Variants in COMMD10 observed in about 807,000 individuals in gnomAD.
COMMD10 encodes COMM domain containing 10, also known as COMM domain-containing protein 10.
In COMMD10, 33 loss-of-function variants were observed where a neutral mutation model predicts 28.9. The observed-to-expected ratio is 1.14, with a 90% CI of 0.87 to 1.53. COMMD10 has a LOEUF of 1.53. COMMD10 is among the 40% of genes most tolerant of loss of function. The pLI is 0.00. For missense variants in COMMD10, 310 were observed against 233.4 expected (o/e 1.33, Z -2.14); for synonymous variants, 110 against 81.7 (o/e 1.35, Z -1.87).
At chr5:116,099,234 G>A (rs984001739) in intron 4 of COMMD10, among the ~76,000 whole-genome samples, 1 of 152,126 alleles carries the variant, frequency 6.6e-6, no homozygotes, top group Non-Finnish European at 1.5e-5. Flanking sequence ...TTGTCTTTCT[G>A]TGCCTGGCTT....
intron 4 of COMMD10, among the ~76,000 whole-genome samples, chr5:116,118,508 G>T (rs1193141147): frequency 2.0e-5 from 1 of 50,398 alleles, no homozygotes; most frequent in Non-Finnish European, 4.8e-5. Context: ...TATGAAGAGG[G>T]ATATTTTTTT....
chr5:116,276,396 C>G (rs1750914272), intron 5 of COMMD10, among the ~76,000 whole-genome samples: 1 of 151,450 alleles, frequency 6.6e-6, no homozygotes, highest in Admixed American at 6.6e-5. Flanking sequence ...GGGATTACAC[C>G]TGGCTAATTT....
chr5:116,252,073 G>A (rs1312680991), intron 5 of COMMD10, among the ~76,000 whole-genome samples: 1 of 150,084 alleles, frequency 6.7e-6, no homozygotes, highest in African/African-American at 2.5e-5. Flanking sequence ...TTTTTCATGT[G>A]TGTTTTGGCT....
intron 5 of COMMD10, among the ~76,000 whole-genome samples, chr5:116,263,768 T>C (rs1046759813): frequency 7.9e-5 from 12 of 151,754 alleles, no homozygotes; most frequent in African/African-American, 2.9e-4. Context: ...CCCCTACTTT[T>C]TGTTCTCCTG....
At chr5:116,125,243 G>T (rs1181500569) in intron 4 of COMMD10, among the ~76,000 whole-genome samples, 1 of 152,114 alleles carries the variant, frequency 6.6e-6, no homozygotes, top group Non-Finnish European at 1.5e-5. Context: ...TTGTAAGGCA[G>T]GCCTGGTAGT....
chr5:116,244,652 A>T (rs1422501), intron 5 of COMMD10, among the ~76,000 whole-genome samples: 3 of 137,160 alleles, frequency 2.2e-5, no homozygotes, highest in East Asian at 2.0e-4. Flanking sequence ...TAAGGAAAAA[A>T]AAAATTACAA....
At chr5:116,116,900 C>T (rs62384714) in intron 4 of COMMD10, among the ~76,000 whole-genome samples, 2 of 152,046 alleles carry the variant, frequency 1.3e-5, no homozygotes, top group Non-Finnish European at 2.9e-5. Flanking sequence ...AAGTTATATA[C>T]ACACATTTAA....
intron 5 of COMMD10, among the ~76,000 whole-genome samples, chr5:116,139,654 A>G (rs561690315): frequency 7.9e-5 from 12 of 151,560 alleles, no homozygotes; most frequent in Non-Finnish European, 1.3e-4. Context: ...ACACTAAAGC[A>G]TACTTTCTCA....
intron 5 of COMMD10, among the ~76,000 whole-genome samples, chr5:116,193,575 G>C (rs1200618053): frequency 6.6e-6 from 1 of 152,138 alleles, no homozygotes; most frequent in Non-Finnish European, 1.5e-5. Flanking sequence ...TTAAAACAAA[G>C]AGGGACATTA....
intron 4 of COMMD10, among the ~76,000 whole-genome samples, chr5:116,112,953 T>C (rs771869749): frequency 6.6e-6 from 1 of 152,224 alleles, no homozygotes; most frequent in Non-Finnish European, 1.5e-5. Flanking sequence ...ATGATAAATA[T>C]TGTCCTGTCT....
At chr5:116,280,339 C>T (rs987947190) in intron 5 of COMMD10, among the ~76,000 whole-genome samples, 2 of 151,820 alleles carry the variant, frequency 1.3e-5, no homozygotes, top group Non-Finnish European at 2.9e-5. Context: ...TGCACTTTCT[C>T]AGGCTGGTGC....
At chr5:116,228,794 C>A (rs970214450) in intron 5 of COMMD10, among the ~76,000 whole-genome samples, 1 of 151,872 alleles carries the variant, frequency 6.6e-6, no homozygotes. Flanking sequence ...CATAACTTAG[C>A]CCTGATTATA....
chr5:116,213,349 G>C (rs1749015867), intron 5 of COMMD10, among the ~76,000 whole-genome samples: 1 of 152,106 alleles, frequency 6.6e-6, no homozygotes, highest in South Asian at 2.1e-4. Flanking sequence ...ACAGCTTTCT[G>C]TTAGTGTGAG....
intron 4 of COMMD10, among the ~76,000 whole-genome samples, chr5:116,103,356 A>C (rs1469467248): frequency 1.1e-4 from 16 of 152,212 alleles, no homozygotes; most frequent in East Asian, 3.9e-4. Context: ...TTTAATGATC[A>C]CATTCTAACT....
intron 5 of COMMD10, among the ~76,000 whole-genome samples, chr5:116,212,837 G>A (rs1282980360): frequency 6.6e-6 from 1 of 151,952 alleles, no homozygotes; most frequent in Non-Finnish European, 1.5e-5. Context: ...GGAATATTCT[G>A]TATATATCTG....
chr5:116,192,206 TGAG>T, intron 5 of COMMD10, among the ~76,000 whole-genome samples: 1 of 151,392 alleles, frequency 6.6e-6, no homozygotes, highest in East Asian at 2.0e-4. Flanking sequence ...CCTACCTAAA[TGAG>T]AAGGAACCAA....
At chr5:116,241,775 G>C (rs577536518) in intron 5 of COMMD10, among the ~76,000 whole-genome samples, 257 of 152,080 alleles carry the variant, frequency 1.7e-3, no homozygotes, top group African/African-American at 5.8e-3. Flanking sequence ...ACCACGCCCA[G>C]CTAATTTTTT....
chr5:116,168,833 T>G (rs761301866), intron 5 of COMMD10, among the ~76,000 whole-genome samples: 2 of 152,172 alleles, frequency 1.3e-5, no homozygotes, highest in Non-Finnish European at 2.9e-5. Context: ...TAAAGCAGTG[T>G]GTAGAGGGAA....
chr5:116,134,308 A>T (rs1751960595), intron 5 of COMMD10, 130 bp downstream of exon 5: 5 of 557,470 alleles, frequency 9.0e-6, no homozygotes, highest in Middle Eastern at 4.0e-4. Context: ...TAATAAGTGG[A>T]TCTTTTTTGA....
Sources: allele counts gnomAD v4.1 joint callset (sites outside exome capture counted in the v4.1 genomes callset), GRCh38; gene constraint gnomAD v4.1.1; transcripts MANE v1.5; gene names NCBI Gene and HGNC (gene_info 2026-07-23, HGNC 2026-07-21).